SEMA6D: variants seen among roughly 807,000 people sequenced by gnomAD.
The protein encoded by SEMA6D is semaphorin-6D.
In SEMA6D, 35 loss-of-function variants were observed where a neutral mutation model predicts 106.6. The ratio of observed to expected loss-of-function variants is 0.33; its 90% CI spans 0.25 to 0.44. The LOEUF (loss-of-function observed/expected upper bound fraction) is 0.44. Ranked by LOEUF, SEMA6D falls within the 20% of genes least tolerant of loss-of-function variation. The pLI is 1.00. For synonymous variants in SEMA6D, 499 were observed against 487.7 expected, an observed-to-expected ratio of 1.02 and a Z score of -0.31; for missense variants, 1,185 against 1,345.9, an observed-to-expected ratio of 0.88 and a Z score of 1.87.
At chr15:47,768,801 A>C in intron 18 of SEMA6D, 53 bp downstream of exon 18, 1 of 1,548,062 alleles carries the variant, frequency 6.5e-7, no homozygotes. Context: ...CTGATCCTTA[A>C]TGTCACTGAG....
chr15:47,440,125 C>T (rs1178570312), intron 2 of SEMA6D, among the ~76,000 whole-genome samples: 6 of 149,924 alleles, frequency 4.0e-5, no homozygotes, highest in African/African-American at 4.9e-5. Context: ...CAGTTGTGCA[C>T]GTGTTAGAGA....
chr15:47,316,475 C>T (rs11070580), intron 1 of SEMA6D, among the ~76,000 whole-genome samples: 65,656 of 151,754 alleles, frequency 0.43, 16,598 homozygotes, highest in Non-Finnish European at 0.56. Flanking sequence ...TTGCCTTGTT[C>T]CTCATCTTAG....
intron 4 of SEMA6D, among the ~76,000 whole-genome samples, chr15:47,672,213 C>A (rs2413880): frequency 0.89 from 136,061 of 152,248 alleles, 60,911 homozygotes; most frequent in Middle Eastern, 0.94. Flanking sequence ...GAAGCCTGGC[C>A]TCAGAGCCTG....
intron 1 of SEMA6D, among the ~76,000 whole-genome samples, chr15:47,385,527 G>A (rs1256349624): frequency 2.6e-5 from 4 of 152,006 alleles, no homozygotes; most frequent in African/African-American, 9.7e-5. Flanking sequence ...ATTTTTCATA[G>A]CCTGCTTTGA....
At chr15:47,755,634 C>T (rs2081677216) in intron 1 of SEMA6D, among the ~76,000 whole-genome samples, 1 of 151,824 alleles carries the variant, frequency 6.6e-6, no homozygotes, top group African/African-American at 2.4e-5. Flanking sequence ...CATGGTTTAC[C>T]TCACATTTTT....
intron 3 of SEMA6D, among the ~76,000 whole-genome samples, chr15:47,502,735 C>G (rs2043896250): frequency 6.6e-6 from 1 of 152,148 alleles, no homozygotes; most frequent in African/African-American, 2.4e-5. Context: ...CATGAAATGT[C>G]TCTTGACTCT....
At chr15:47,371,331 A>G (rs1364068022) in intron 1 of SEMA6D, among the ~76,000 whole-genome samples, 1 of 152,216 alleles carries the variant, frequency 6.6e-6, no homozygotes, top group African/African-American at 2.4e-5. Context: ...ATAGGCAGAA[A>G]ATTCTGTTGA....
chr15:47,381,712 G>C (rs995937851), intron 1 of SEMA6D, among the ~76,000 whole-genome samples: 1 of 152,194 alleles, frequency 6.6e-6, no homozygotes, highest in African/African-American at 2.4e-5. Flanking sequence ...ACATACAACT[G>C]TATGTAAATT....
At position 47,396,953 on chromosome 15, in the gene SEMA6D, C is replaced by T. The variant is rs146251017; in HGVS notation, c.-238-15440C>T. ...TCTAACACATGCTCCATTGTACCAT[C>T]AAACCTCCCTTACAAAACACAAGTT... On this transcript the variant is annotated intron_variant, in intron 1 of 19. Coordinates refer to the SEMA6D transcript ENST00000558014. Among the ~76,000 whole-genome samples the T allele has an allele frequency of 2.6e-3, 403 of 152,230 alleles. 3 individuals carry two copies. The highest frequency in any genetic ancestry group is 8.7e-3 in the African/African-American group (360 of 41,536).
chr15:47,377,912 A>T (rs904090586), intron 1 of SEMA6D, among the ~76,000 whole-genome samples: 1 of 151,752 alleles, frequency 6.6e-6, no homozygotes, highest in African/African-American at 2.4e-5. Context: ...GTTTTCTGAG[A>T]CTCCTCCATG....
chr15:47,469,343 T>C (rs913684765), intron 2 of SEMA6D, among the ~76,000 whole-genome samples: 2 of 139,892 alleles, frequency 1.4e-5, no homozygotes, highest in Admixed American at 6.9e-5. Flanking sequence ...CGCATGTGCG[T>C]GTGTGTGTGT....
At chr15:47,490,083 G>C (rs185939350) in intron 3 of SEMA6D, among the ~76,000 whole-genome samples, 1 of 152,240 alleles carries the variant, frequency 6.6e-6, no homozygotes, top group East Asian at 1.9e-4. Context: ...GTTGTGCTCA[G>C]TACATTTTTT....
intron 1 of SEMA6D, among the ~76,000 whole-genome samples, chr15:47,217,315 C>CTA (rs2030713645): frequency 6.6e-6 from 1 of 152,136 alleles, no homozygotes; most frequent in Non-Finnish European, 1.5e-5. Context: ...AACCCAACAA[C>CTA]CTCACAGCTC....
intron 4 of SEMA6D, among the ~76,000 whole-genome samples, chr15:47,662,670 T>A (rs1010453877): frequency 1.3e-5 from 2 of 152,184 alleles, no homozygotes; most frequent in Non-Finnish European, 2.9e-5. Context: ...ACTTATACTT[T>A]AAAGAATACA....
At chr15:47,761,839 T>G in intron 7 of SEMA6D, 88 bp downstream of exon 7, 1 of 1,121,004 alleles carries the variant, frequency 8.9e-7, no homozygotes, top group Non-Finnish European at 1.3e-6. Flanking sequence ...GTTAATAACT[T>G]GGATACCCAC....
chr15:47,424,637 G>A (rs55700457), intron 2 of SEMA6D, among the ~76,000 whole-genome samples: 3,325 of 152,142 alleles, frequency 0.022, 106 homozygotes, highest in African/African-American at 0.072. Flanking sequence ...GTGGTAGAGC[G>A]TCAGAAATCT....
chr15:47,521,606 G>A (rs1365025134), intron 3 of SEMA6D, among the ~76,000 whole-genome samples: 3 of 152,206 alleles, frequency 2.0e-5, no homozygotes, highest in African/African-American at 2.4e-5. Flanking sequence ...CACCATTTGC[G>A]ATTACAATCT....
chr15:47,702,140 G>C (rs769092610), intron 4 of SEMA6D, among the ~76,000 whole-genome samples: 26 of 152,050 alleles, frequency 1.7e-4, no homozygotes, highest in Non-Finnish European at 3.5e-4. Context: ...GGTCATACTT[G>C]GCTGATGGAT....
intron 4 of SEMA6D, among the ~76,000 whole-genome samples, chr15:47,694,877 G>C (rs28733070): frequency 6.6e-6 from 1 of 152,142 alleles, no homozygotes; most frequent in Non-Finnish European, 1.5e-5. Context: ...TGTCCAATTA[G>C]AGTATGTATT....
Sources: gnomAD v4.1 joint callset for allele counts (sites outside exome capture counted in the v4.1 genomes callset) on GRCh38, gnomAD v4.1.1 for gene constraint, MANE v1.5 for transcripts, NCBI Gene and HGNC (gene_info 2026-07-23, HGNC 2026-07-21) for gene names.